MTCL2: variants seen among roughly 807,000 people sequenced by gnomAD.
MTCL2 encodes the protein microtubule cross-linking factor 2.
the MTCL2 span, among the ~76,000 whole-genome samples, chr20:36,825,319 G>A: frequency 6.6e-6 from 1 of 152,188 alleles, no homozygotes; most frequent in Non-Finnish European, 1.5e-5. Context: ...AACAAACAGT[G>A]GCACCTATAA....
the MTCL2 span, among the ~76,000 whole-genome samples, chr20:36,849,755 G>C: frequency 6.6e-6 from 1 of 152,188 alleles, no homozygotes; most frequent in South Asian, 2.1e-4. Context: ...GGACAGCGGG[G>C]GGAAGTTTAG....
chr20:36,818,749 T>G, the MTCL2 span, among the ~76,000 whole-genome samples: 4 of 152,140 alleles, frequency 2.6e-5, no homozygotes, highest in Non-Finnish European at 2.9e-5. Context: ...AAAACATAAA[T>G]GACAAACTCT....
the MTCL2 span, chr20:36,815,604 C>T: frequency 1.3e-6 from 2 of 1,593,148 alleles, no homozygotes; most frequent in South Asian, 1.1e-5. The surrounding 1 kb of genome is among the most constrained non-coding windows in gnomAD (Gnocchi z 5.3). Flanking sequence ...CAGCATGGGC[C>T]GCGTACTCTG....
At chr20:36,863,174 G>T in the MTCL2 span, 1 of 1,312,802 alleles carries the variant, frequency 7.6e-7, no homozygotes, top group East Asian at 3.3e-5. This position sits in a 1 kb window ranked among gnomAD's most constrained non-coding sequence, Gnocchi z 6.2. Flanking sequence ...CGACTGCTGA[G>T]CCCGGGCCTG....
the MTCL2 span, chr20:36,828,962 A>G: frequency 3.6e-6 from 5 of 1,377,544 alleles, no homozygotes; most frequent in Non-Finnish European, 4.8e-6. Flanking sequence ...CCCATTTCCC[A>G]CAAGCGGGGG....
chr20:36,848,890 T>C, the MTCL2 span, among the ~76,000 whole-genome samples: 52 of 152,292 alleles, frequency 3.4e-4, no homozygotes, highest in East Asian at 4.2e-3. Flanking sequence ...GGTATTTTCA[T>C]ATCATATAAC....
the MTCL2 span, among the ~76,000 whole-genome samples, chr20:36,806,358 C>T: frequency 2.3e-4 from 35 of 152,258 alleles, no homozygotes; most frequent in African/African-American, 6.7e-4. Flanking sequence ...GAGCGAGTCA[C>T]CTTCTGTGCT....
chr20:36,793,862 C>A, the MTCL2 span: 1 of 1,548,122 alleles, frequency 6.5e-7, no homozygotes, highest in Non-Finnish European at 8.7e-7. The surrounding 1 kb of genome is among the most constrained non-coding windows in gnomAD (Gnocchi z 6.8). Flanking sequence ...CGAAGAGCTG[C>A]GGGGTGACCA....
the MTCL2 span, chr20:36,794,522 C>G: frequency 2.5e-6 from 4 of 1,614,052 alleles, no homozygotes; most frequent in South Asian, 1.1e-5. This position sits in a 1 kb window ranked among gnomAD's most constrained non-coding sequence, Gnocchi z 5.4. Flanking sequence ...CTTCTTGCCC[C>G]GGGCATCTCC....
At chr20:36,842,778 T>TA in the MTCL2 span, among the ~76,000 whole-genome samples, 33 of 145,416 alleles carry the variant, frequency 2.3e-4, no homozygotes, top group East Asian at 3.2e-3. Context: ...TCTCACAAAA[T>TA]AAAAAAAAAG....
At chr20:36,794,147 C>G in the MTCL2 span, 3 of 1,551,130 alleles carry the variant, frequency 1.9e-6, no homozygotes. This position sits in a 1 kb window ranked among gnomAD's most constrained non-coding sequence, Gnocchi z 5.4. Context: ...TCCGTCCAGG[C>G]GCTGCCGTGA....
chr20:36,834,361 T>C, the MTCL2 span, among the ~76,000 whole-genome samples: 1 of 152,008 alleles, frequency 6.6e-6, no homozygotes, highest in African/African-American at 2.4e-5. Flanking sequence ...CAGAACATTT[T>C]CTCCAGCAAC....
the MTCL2 span, chr20:36,797,056 G>C: frequency 5.0e-6 from 5 of 991,308 alleles, no homozygotes; most frequent in Admixed American, 5.5e-5. Flanking sequence ...CTCCTCATCC[G>C]GAGAGCAGGA....
chr20:36,839,237 C>T, the MTCL2 span: 2 of 1,602,668 alleles, frequency 1.2e-6, no homozygotes, highest in Non-Finnish European at 1.7e-6. The surrounding 1 kb of genome is among the most constrained non-coding windows in gnomAD (Gnocchi z 5.1). Context: ...TGCTCCAGAC[C>T]ACGGATAAGC....
the MTCL2 span, chr20:36,794,226 T>C: frequency 1.3e-6 from 2 of 1,549,052 alleles, no homozygotes; most frequent in Non-Finnish European, 8.7e-7. This position sits in a 1 kb window ranked among gnomAD's most constrained non-coding sequence, Gnocchi z 5.4. Flanking sequence ...TCTTTGGGCT[T>C]GGCTGTGGTG....
the MTCL2 span, among the ~76,000 whole-genome samples, chr20:36,801,970 A>G: frequency 1.3e-5 from 2 of 151,528 alleles, no homozygotes; most frequent in Non-Finnish European, 2.9e-5. Flanking sequence ...TCAAAGAAAA[A>G]ATAAATAAAT....
At chr20:36,809,846 T>A in the MTCL2 span, 9 of 1,103,082 alleles carry the variant, frequency 8.2e-6, no homozygotes, top group Admixed American at 1.7e-4. Flanking sequence ...AGTGCTGGGA[T>A]TACAGGCGTG....
At chr20:36,840,134 G>C in the MTCL2 span, among the ~76,000 whole-genome samples, 3 of 147,606 alleles carry the variant, frequency 2.0e-5, no homozygotes, top group African/African-American at 7.5e-5. Flanking sequence ...AAAGTGCTGG[G>C]AACAGGTATG....
chr20:36,851,981 T>C, the MTCL2 span, among the ~76,000 whole-genome samples: 1 of 152,162 alleles, frequency 6.6e-6, no homozygotes, highest in Non-Finnish European at 1.5e-5. Context: ...CAGACCCCAG[T>C]GGTGGGGCTC....
Sources: allele counts gnomAD v4.1 joint callset (sites outside exome capture counted in the v4.1 genomes callset), GRCh38; gene constraint gnomAD v4.1.1; non-coding constraint Gnocchi (gnomAD v3.1); transcripts MANE v1.5; gene names NCBI Gene and HGNC (gene_info 2026-07-23, HGNC 2026-07-21).